The following PPP4R3A variants were observed in gnomAD, a reference collection of about 807,000 sequenced individuals.
PPP4R3A encodes the protein serine/threonine-protein phosphatase 4 regulatory subunit 3A.
PPP4R3A carries 15 observed loss-of-function variants against 91.7 expected under a neutral mutation model. The observed-to-expected ratio is 0.16, with a 90% confidence interval of 0.11 to 0.25. PPP4R3A has a LOEUF of 0.25. Ranked by LOEUF, PPP4R3A falls within the 10% of genes least tolerant of loss-of-function variation. PPP4R3A has a pLI of 1.00. For synonymous variants in PPP4R3A, 377 were observed against 348.7 expected (o/e 1.08, Z -0.91); for missense variants, 623 against 998.4 (o/e 0.62, Z 5.07).
At chr14:91,486,748 CTAAAAATACAAAAAT>C (rs1309174885) in intron 2 of PPP4R3A, among the ~76,000 whole-genome samples, 1 of 151,380 alleles carries the variant, frequency 6.6e-6, no homozygotes, top group Non-Finnish European at 1.5e-5. Flanking sequence ...CCCATCTCTA[CTAAAAATACAAAAAT>C]TAGCCGGGCA....
chr14:91,501,960 G>A (rs1415538049), intron 1 of PPP4R3A, among the ~76,000 whole-genome samples: 1 of 145,896 alleles, frequency 6.9e-6, no homozygotes, highest in Non-Finnish European at 1.5e-5. Context: ...TTGACCTCGT[G>A]ATCTGCCCAT....
At chr14:91,468,223 A>ACAATAAACTTT (rs1372899663) in intron 10 of PPP4R3A, among the ~76,000 whole-genome samples, 4 of 152,232 alleles carry the variant, frequency 2.6e-5, no homozygotes, top group African/African-American at 9.6e-5. Context: ...TTAGTTTCCA[A>ACAATAAACTTT]CAATAAACTT....
rs549360381 is a variant in PPP4R3A at position 91,486,376 on chromosome 14, T to C, written c.199-646A>G. Among the ~76,000 whole-genome samples, 6 of 152,314 alleles carry C rather than the reference T, an allele frequency of 3.9e-5. No homozygotes were observed. The South Asian group carries it at 1.2e-3, about 32-fold the overall frequency. On this transcript the variant is annotated intron_variant, in intron 2 of 14. Coordinates refer to ENST00000554943, the MANE Select transcript of PPP4R3A (RefSeq NM_001366432.2). ...TTTTGTAGAGATGGAGGTCTTGTCA[T>C]GTTGCCTAGGCTGGTCTTGAACTCC...
chr14:91,494,080 C>T (rs1246937609), intron 1 of PPP4R3A, among the ~76,000 whole-genome samples: 3 of 151,870 alleles, frequency 2.0e-5, no homozygotes, highest in Non-Finnish European at 4.4e-5. Flanking sequence ...GGTGAAACCC[C>T]GTCTCTACTA....
rs761089964 is a variant in PPP4R3A at position 91,470,830 on chromosome 14, CACTT to C, written c.1660+3_1660+6del. 6.2e-7 allele frequency: 1 copy of C among 1,602,668 alleles called. No homozygotes were observed. Among genetic ancestry groups the C allele is most frequent in the Non-Finnish European group, 8.5e-7 (1 of 1,177,548 alleles). On this transcript the variant is annotated splice_donor_5th_base_variant and intron_variant, in intron 10 of 14. Transcript: ENST00000554943. Reference sequence around the variant, plus strand: ...ATACAAAGATGATAAATAATTCTAACACTTACATAATGCCAAGAAAGCATGCTTC... The same window carrying C: ...ATACAAAGATGATAAATAATTCTAACACATAATGCCAAGAAAGCATGCTTC...
intron 1 of PPP4R3A, among the ~76,000 whole-genome samples, chr14:91,504,590 G>T (rs942395499): frequency 4.1e-5 from 6 of 145,266 alleles, no homozygotes; most frequent in African/African-American, 1.5e-4. Flanking sequence ...TGACAAGAGC[G>T]AAACACTGAC....
chr14:91,481,457 A>G, intron 4 of PPP4R3A, 119 bp downstream of exon 4: 1 of 1,058,702 alleles, frequency 9.4e-7, no homozygotes, highest in Non-Finnish European at 1.3e-6. Flanking sequence ...CTCTTAAAAT[A>G]ACTCACAATA....
chr14:91,504,644 T>C lies in PPP4R3A; in HGVS notation c.142+4862A>G, dbSNP rs141173048. Among the ~76,000 whole-genome samples, 298 of 151,544 alleles carry C rather than the reference T, an allele frequency of 2.0e-3. 1 individual carries two copies. Among genetic ancestry groups the C allele is most frequent in the African/African-American group, 7.0e-3 (288 of 41,384 alleles). On this transcript the variant is annotated intron_variant, in intron 1 of 14. Coordinates refer to ENST00000554943, the MANE Select transcript of PPP4R3A (RefSeq NM_001366432.2). ...AACAAAAAACAAAAGGGACGTGTTC[T>C]TACAACCTATTTTGCCAGCAGAAAC...
At chr14:91,504,690 C>T (rs1184061957) in intron 1 of PPP4R3A, among the ~76,000 whole-genome samples, 1 of 152,062 alleles carries the variant, frequency 6.6e-6, no homozygotes, top group Non-Finnish European at 1.5e-5. Context: ...AAGATGCAAT[C>T]CAAGAAATGG....
chr14:91,494,988 G>A (rs1437060425), intron 1 of PPP4R3A, among the ~76,000 whole-genome samples: 2 of 152,134 alleles, frequency 1.3e-5, no homozygotes, highest in African/African-American at 4.8e-5. Flanking sequence ...TTCATACATT[G>A]CTTCTGGGAA....
intron 10 of PPP4R3A, among the ~76,000 whole-genome samples, chr14:91,465,816 G>A (rs1803696772): frequency 6.6e-6 from 1 of 151,918 alleles, no homozygotes; most frequent in African/African-American, 2.4e-5. Flanking sequence ...GTTTTATTAG[G>A]GCAATCCACT....
intron 13 of PPP4R3A, chr14:91,461,810 A>C: frequency 2.4e-6 from 2 of 851,016 alleles, no homozygotes; most frequent in Non-Finnish European, 3.5e-6. Context: ...AAACCTTCAG[A>C]ATCATATTTA....
At chr14:91,461,715 A>AAC (rs1888173383) in intron 13 of PPP4R3A, 108 bp from the exon 14 acceptor site, 22 of 1,106,580 alleles carry the variant, frequency 2.0e-5, no homozygotes, top group Non-Finnish European at 2.7e-5. Context: ...GCTGGGTAGA[A>AAC]ACATTGAAGT....
chr14:91,497,341 T>TACACACACAC lies in PPP4R3A; in HGVS notation c.143-6549_143-6540dup, dbSNP rs10542688. Among the ~76,000 whole-genome samples, 59 of 148,516 alleles carry TACACACACAC rather than the reference T, an allele frequency of 4.0e-4. No individual in the cohort carries two copies. In the East Asian group the frequency reaches 5.4e-3, roughly 14 times the overall value. On this transcript the variant is annotated intron_variant, in intron 1 of 14. Coordinates refer to ENST00000554943, the MANE Select transcript of PPP4R3A (RefSeq NM_001366432.2). ...TATCTCCCAAGAGGAATCTTTTATT[T>TACACACACAC]ACACACACACACACACACACACACA...
chr14:91,465,201 T>C, intron 11 of PPP4R3A, 49 bp downstream of exon 11: 4 of 1,402,778 alleles, frequency 2.9e-6, no homozygotes, highest in East Asian at 5.0e-5. Flanking sequence ...CATATTCAAT[T>C]TTCTCAAACA....
intron 3 of PPP4R3A, among the ~76,000 whole-genome samples, chr14:91,482,643 A>G (rs959409294): frequency 6.6e-6 from 1 of 152,246 alleles, no homozygotes; most frequent in African/African-American, 2.4e-5. Context: ...TTTAACTCTG[A>G]GGTGAAGACC....
chr14:91,476,775 C>G, intron 5 of PPP4R3A, 134 bp downstream of exon 5: 2 of 751,940 alleles, frequency 2.7e-6, no homozygotes, highest in Non-Finnish European at 4.3e-6. Context: ...CCATGTTCGC[C>G]AGGCTGGTCT....
At chr14:91,494,714 A>T (rs1890434047) in intron 1 of PPP4R3A, among the ~76,000 whole-genome samples, 1 of 152,116 alleles carries the variant, frequency 6.6e-6, no homozygotes. Flanking sequence ...GACACACAAA[A>T]AATTAGCTGG....
intron 1 of PPP4R3A, among the ~76,000 whole-genome samples, chr14:91,496,573 C>T (rs1226136865): frequency 6.6e-6 from 1 of 152,192 alleles, no homozygotes. Flanking sequence ...AAAGGTTTGA[C>T]GTACTCCCTT....
Sources: allele counts gnomAD v4.1 joint callset (sites outside exome capture counted in the v4.1 genomes callset), GRCh38; gene constraint gnomAD v4.1.1; transcripts MANE v1.5; gene names NCBI Gene and HGNC (gene_info 2026-07-23, HGNC 2026-07-21).